Variants in DEPDC1B observed in about 807,000 individuals in gnomAD.
The protein encoded by DEPDC1B is DEP domain-containing protein 1B.
A neutral mutation model predicts 66.5 loss-of-function variants in DEPDC1B; 51 were observed. The observed-to-expected ratio is 0.77, with a 90% CI of 0.61 to 0.97. The LOEUF (loss-of-function observed/expected upper bound fraction) is 0.97. DEPDC1B is among the 50% of genes least tolerant of loss of function. The probability of loss-of-function intolerance (pLI) is 0.00; values close to 1 mark genes in which losing one functional copy is unlikely to be tolerated. For missense variants in DEPDC1B, 552 were observed against 637.1 expected, an observed-to-expected ratio of 0.87 and a Z score of 1.44; for synonymous variants, 226 against 223.6, an observed-to-expected ratio of 1.01 and a Z score of -0.10.
chr5:60,679,442 G>A (rs1754242992), intron 2 of DEPDC1B, among the ~76,000 whole-genome samples: 1 of 151,608 alleles, frequency 6.6e-6, no homozygotes. Context: ...TTTGAAAATA[G>A]GCCAGAAAAG....
chr5:60,644,531 C>G (rs1032075327), intron 5 of DEPDC1B, among the ~76,000 whole-genome samples: 1 of 152,170 alleles, frequency 6.6e-6, no homozygotes, highest in African/African-American at 2.4e-5. Flanking sequence ...GAACTAGCTT[C>G]TGGATGGATT....
Position 60,635,155 on chromosome 5 carries a change from G to A in DEPDC1B, c.898+3595C>T, listed in dbSNP as rs530962015. Among the ~76,000 whole-genome samples the A allele has an allele frequency of 2.6e-5, 4 of 150,946 alleles. No individual in the cohort carries two copies. The East Asian group carries it at 7.8e-4, about 29-fold the overall frequency. On this transcript the variant is annotated intron_variant, in intron 7 of 10. Coordinates refer to ENST00000265036, the MANE Select transcript of DEPDC1B (RefSeq NM_018369.3). Reference sequence around the variant, plus strand: ...GAACTTTGGACTAACATGGGCAAAAGCCCTCTGTCTGGTCAAGCACACAAA... The same window carrying A: ...GAACTTTGGACTAACATGGGCAAAAACCCTCTGTCTGGTCAAGCACACAAA...
chr5:60,616,392 G>GA (rs913848834), intron 7 of DEPDC1B, among the ~76,000 whole-genome samples: 3 of 151,942 alleles, frequency 2.0e-5, no homozygotes, highest in Admixed American at 6.6e-5. Context: ...TAAAAACCTT[G>GA]AAAAAAAATC....
At chr5:60,598,993 A>T in intron 10 of DEPDC1B, 82 bp downstream of exon 10, 1 of 1,194,648 alleles carries the variant, frequency 8.4e-7, no homozygotes, top group Non-Finnish European at 1.1e-6. Context: ...GATGAGATTT[A>T]CATGAAGCCT....
At chr5:60,614,187 G>A (rs563276044) in intron 7 of DEPDC1B, among the ~76,000 whole-genome samples, 11 of 152,276 alleles carry the variant, frequency 7.2e-5, no homozygotes, top group South Asian at 2.1e-4. Context: ...AGCACCATGC[G>A]TTTCCCCATC....
intron 7 of DEPDC1B, among the ~76,000 whole-genome samples, chr5:60,621,803 T>C (rs1339185689): frequency 6.6e-6 from 1 of 152,234 alleles, no homozygotes; most frequent in Non-Finnish European, 1.5e-5. Context: ...CTACTTTCTT[T>C]TCTTAGTAAT....
At chr5:60,658,717 T>C (rs867860282) in intron 2 of DEPDC1B, among the ~76,000 whole-genome samples, 1 of 152,256 alleles carries the variant, frequency 6.6e-6, no homozygotes, top group South Asian at 2.1e-4. Context: ...GGGACAATGA[T>C]CAGGATATAA....
intron 2 of DEPDC1B, among the ~76,000 whole-genome samples, chr5:60,677,830 T>A (rs564071502): frequency 9.2e-5 from 14 of 152,132 alleles, no homozygotes; most frequent in Non-Finnish European, 1.6e-4. Flanking sequence ...CCCATGACGA[T>A]GAAATGAGTA....
chr5:60,658,580 A>G (rs987749808), intron 2 of DEPDC1B, among the ~76,000 whole-genome samples: 1 of 100,284 alleles, frequency 1.0e-5, no homozygotes, highest in African/African-American at 3.3e-5. Flanking sequence ...ACCTTTAAAC[A>G]TGGGCTTGTA....
intron 1 of DEPDC1B, among the ~76,000 whole-genome samples, chr5:60,693,778 T>C (rs1407660835): frequency 1.3e-5 from 2 of 152,140 alleles, no homozygotes; most frequent in Non-Finnish European, 2.9e-5. Context: ...TGATTATTGA[T>C]TTTTTTAATA....
At chr5:60,680,748 G>A (rs1010291088) in intron 2 of DEPDC1B, among the ~76,000 whole-genome samples, 4 of 152,146 alleles carry the variant, frequency 2.6e-5, no homozygotes. Context: ...GTATTACATG[G>A]TACTTAATGC....
At chr5:60,619,324 G>A (rs182907951) in intron 7 of DEPDC1B, among the ~76,000 whole-genome samples, 1,985 of 152,150 alleles carry the variant, frequency 0.013, 15 homozygotes, top group Non-Finnish European at 0.021. Flanking sequence ...AAGGGTATTC[G>A]ATTAGGAAAA....
chr5:60,604,653 C>G (rs1177168807), intron 8 of DEPDC1B, among the ~76,000 whole-genome samples: 4 of 152,084 alleles, frequency 2.6e-5, no homozygotes, highest in Non-Finnish European at 5.9e-5. Context: ...CTTAGTAACA[C>G]TTCATTAACA....
At chr5:60,606,556 T>G (rs1354477994) in intron 7 of DEPDC1B, among the ~76,000 whole-genome samples, 1 of 136,408 alleles carries the variant, frequency 7.3e-6, no homozygotes, top group Non-Finnish European at 1.5e-5. Flanking sequence ...GAGGATCACT[T>G]GAGGCCAGGA....
intron 7 of DEPDC1B, among the ~76,000 whole-genome samples, chr5:60,624,695 A>C (rs967047864): frequency 1.3e-5 from 2 of 152,182 alleles, no homozygotes; most frequent in Non-Finnish European, 2.9e-5. Flanking sequence ...AGCTTTGCTT[A>C]ATTACATGTC....
At chr5:60,695,374 CAAGA>C (rs1237755665) in intron 1 of DEPDC1B, among the ~76,000 whole-genome samples, 3 of 152,024 alleles carry the variant, frequency 2.0e-5, no homozygotes, top group Non-Finnish European at 4.4e-5. Context: ...AAGGGGGGAA[CAAGA>C]GAGAGTGAGG....
At chr5:60,628,251 C>G (rs1416486041) in intron 7 of DEPDC1B, 3 of 152,204 alleles carry the variant, frequency 2.0e-5, no homozygotes, top group African/African-American at 7.2e-5. Context: ...ATAGTTACAT[C>G]AGATTTCTAT....
At chr5:60,697,285 GCA>G (rs1754678113) in intron 1 of DEPDC1B, among the ~76,000 whole-genome samples, 38 of 151,888 alleles carry the variant, frequency 2.5e-4, no homozygotes, top group Admixed American at 2.5e-3. Context: ...TTTAGAAAAA[GCA>G]CCAAAGAGCT....
chr5:60,679,234 C>A (rs1043827734), intron 2 of DEPDC1B, among the ~76,000 whole-genome samples: 1 of 152,142 alleles, frequency 6.6e-6, no homozygotes, highest in African/African-American at 2.4e-5. Context: ...TCTGGACTCT[C>A]TATTCTGTAC....
Sources: allele counts gnomAD v4.1 joint callset (sites outside exome capture counted in the v4.1 genomes callset), GRCh38; gene constraint gnomAD v4.1.1; transcripts MANE v1.5; gene names NCBI Gene and HGNC (gene_info 2026-07-23, HGNC 2026-07-21).